Variants in ZNF469 observed in about 807,000 individuals in gnomAD.
The protein encoded by ZNF469 is zinc finger protein 469.
Under a neutral mutation model 1.0 loss-of-function variants are expected in ZNF469, and 1 was observed. The ratio of observed to expected loss-of-function variants is 1.00; its 90% CI spans 0.35 to 4.73. The LOEUF is 4.73. Among genes scored for constraint, ZNF469 ranks in the 30% most tolerant of loss-of-function variants. The pLI, the probability that ZNF469 is intolerant of heterozygous loss-of-function variation, is 0.16. For synonymous variants in ZNF469, 2,703 were observed against 2,363.4 expected (o/e 1.14, Z -4.17); for missense variants, 6,100 against 5,356.3 (o/e 1.14, Z -4.33).
the ZNF469 span, among the ~76,000 whole-genome samples, chr16:88,193,172 G>GGT: frequency 2.6e-3 from 14 of 5,482 alleles, no homozygotes; most frequent in Admixed American, 4.6e-3. Flanking sequence ...ATGGTGGTGG[G>GGT]GATGGTGGTG....
the ZNF469 span, among the ~76,000 whole-genome samples, chr16:88,266,664 G>A: frequency 2.0e-5 from 3 of 152,210 alleles, no homozygotes; most frequent in Admixed American, 6.5e-5. Flanking sequence ...GTTCACTGGC[G>A]CTGGGAAAGT....
rs1159809643 is a variant in ZNF469, at chr16:88,436,278, G to T, written c.8808G>T (p.Glu2936Asp). ...WEDEDPAGLP[E>D]SFLLDGFLNS... Reference sequence around the variant, plus strand: ...ACGAGGATCCCGCAGGTCTGCCCGAGTCCTTCCTCCTGGATGGGTTCCTCA... The same window carrying T: ...ACGAGGATCCCGCAGGTCTGCCCGATTCCTTCCTCCTGGATGGGTTCCTCA... The change falls in exon 3 of 3, where the codon GAG becomes GAT. Residue 2936 changes from glutamate to aspartate, a missense_variant. Physicochemically the swap from Glu to Asp is conservative, Grantham distance 45. Coordinates refer to ENST00000565624, the MANE Select transcript of ZNF469 (RefSeq NM_001367624.2). The T allele has an allele frequency of 6.5e-7, 1 of 1,549,922 alleles. No homozygotes were observed. Among genetic ancestry groups the T allele is most frequent in the Admixed American group, 2.0e-5 (1 of 50,994 alleles).
At chr16:88,381,826 C>T (rs977477751), upstream of ZNF469, among the ~76,000 whole-genome samples, 7 of 152,248 alleles carry the variant, frequency 4.6e-5, no homozygotes, top group Admixed American at 6.5e-5. Flanking sequence ...CTATACCGTT[C>T]GCAGAGTCCC....
chr16:88,303,406 C>T, the ZNF469 span, among the ~76,000 whole-genome samples: 2 of 152,198 alleles, frequency 1.3e-5, no homozygotes, highest in Non-Finnish European at 2.9e-5. Flanking sequence ...CCTTTCCAGC[C>T]GGGATCCCTG....
At chr16:88,161,863 G>T in the ZNF469 span, among the ~76,000 whole-genome samples, 1 of 152,202 alleles carries the variant, frequency 6.6e-6, no homozygotes, top group Non-Finnish European at 1.5e-5. Flanking sequence ...GCAATGTCCT[G>T]CACTTGGGCA....
the ZNF469 span, among the ~76,000 whole-genome samples, chr16:88,228,697 C>A: frequency 0.018 from 2,733 of 152,300 alleles, 72 homozygotes; most frequent in African/African-American, 0.062. Context: ...AGCTCTTACT[C>A]ATCTTCTGGA....
chr16:88,368,099 C>T, the ZNF469 span, among the ~76,000 whole-genome samples: 1 of 152,238 alleles, frequency 6.6e-6, no homozygotes, highest in African/African-American at 2.4e-5. Flanking sequence ...AGAGAACAAT[C>T]CCGCGCTTAT....
At chr16:88,285,844 C>T in the ZNF469 span, among the ~76,000 whole-genome samples, 1 of 152,246 alleles carries the variant, frequency 6.6e-6, no homozygotes, top group African/African-American at 2.4e-5. Context: ...CAAATGCTTT[C>T]CATGTGGGAG....
At chr16:88,337,322 G>C in the ZNF469 span, among the ~76,000 whole-genome samples, 1 of 152,152 alleles carries the variant, frequency 6.6e-6, no homozygotes, top group Non-Finnish European at 1.5e-5. Context: ...GTTTTATAGG[G>C]GAGCTCCCCT....
intron 1 of ZNF469, among the ~76,000 whole-genome samples, chr16:88,393,264 C>T (rs1052421435): frequency 7.2e-5 from 11 of 152,390 alleles, no homozygotes; most frequent in African/African-American, 2.2e-4. Context: ...CGGTCACTCC[C>T]GGTGAGTGGG....
the ZNF469 span, among the ~76,000 whole-genome samples, chr16:88,153,628 T>C: frequency 6.6e-6 from 1 of 152,190 alleles, no homozygotes; most frequent in East Asian, 1.9e-4. Flanking sequence ...GCGGGAGGCC[T>C]TGTGTTAGCC....
the ZNF469 span, among the ~76,000 whole-genome samples, chr16:88,371,880 C>T: frequency 1.3e-5 from 2 of 151,324 alleles, no homozygotes; most frequent in Admixed American, 1.3e-4. Context: ...TCGTCACCAT[C>T]ACCATTATCA....
chr16:88,238,044 C>T, the ZNF469 span, among the ~76,000 whole-genome samples: 1 of 152,198 alleles, frequency 6.6e-6, no homozygotes, highest in Admixed American at 6.5e-5. Context: ...CTGGAGGGAC[C>T]CCAGCCCATC....
the ZNF469 span, among the ~76,000 whole-genome samples, chr16:88,120,449 A>AT: frequency 6.6e-6 from 1 of 152,216 alleles, no homozygotes; most frequent in African/African-American, 2.4e-5. Flanking sequence ...AACAGCGGAG[A>AT]TGGCGCGCCC....
chr16:88,106,253 C>T, the ZNF469 span, among the ~76,000 whole-genome samples: 1 of 152,200 alleles, frequency 6.6e-6, no homozygotes. Flanking sequence ...ACGGCCCCTC[C>T]TCTTCCTCCA....
chr16:88,187,273 C>T, the ZNF469 span, among the ~76,000 whole-genome samples: 8 of 152,214 alleles, frequency 5.3e-5, no homozygotes, highest in East Asian at 1.3e-3. Context: ...CAGGTCCGAC[C>T]GGACCCCGCA....
intron 1 of ZNF469, among the ~76,000 whole-genome samples, chr16:88,387,597 C>T (rs1014771566): frequency 2.6e-5 from 4 of 152,186 alleles, no homozygotes; most frequent in Non-Finnish European, 4.4e-5. Context: ...CCAGCCCTGC[C>T]AGGAGTGAAG....
Position 88,435,321 on chromosome 16 carries a change from A to G in ZNF469, c.7851A>G (p.Arg2617=). 1.9e-6 allele frequency: 3 copies of G among 1,550,342 alleles called. No individual in the cohort carries two copies. Among genetic ancestry groups the G allele is most frequent in the Non-Finnish European group, 2.6e-6 (3 of 1,146,976 alleles). Reference sequence around the variant, plus strand: ...AAAGAGAAGGCCGGAGGTGGCGCCGAGAGCCCACCGTGGACTCTCCTAGCC... The same window carrying G: ...AAAGAGAAGGCCGGAGGTGGCGCCGGGAGCCCACCGTGGACTCTCCTAGCC... ...AEKREGRRWR[R]EPTVDSPSHS... The change falls in exon 3 of 3, where the codon CGA becomes CGG. Residue 2617 remains arginine (R), a synonymous_variant. Transcript: ENST00000565624.
At position 88,429,189 on chromosome 16, in the gene ZNF469, C is replaced by A; in HGVS notation, c.1719C>A (p.His573Gln). 6.5e-7 allele frequency: 1 copy of A among 1,549,888 alleles called. No homozygotes were observed. The highest frequency in any genetic ancestry group is 8.7e-7 in the Non-Finnish European group (1 of 1,146,840). The change falls in exon 3 of 3, where the codon CAC (histidine) becomes CAA (glutamine). Residue 573 changes from histidine to glutamine, a missense_variant. His to Gln is a conservative substitution (Grantham distance 24). Transcript: ENST00000565624. ...FGVAQPQVSP[H>Q]GTPSLPPPRV... ...TGGCCCAGCCCCAGGTTTCACCCCA[C>A]GGGACACCCAGCCTGCCCCCACCGA... is the stretch of plus-strand genomic sequence containing the variant.
Sources: gnomAD v4.1 joint callset for allele counts (sites outside exome capture counted in the v4.1 genomes callset) on GRCh38, gnomAD v4.1.1 for gene constraint, MANE v1.5 for transcripts, NCBI Gene and HGNC (gene_info 2026-07-23, HGNC 2026-07-21) for gene names.